WAC: variants seen among roughly 807,000 people sequenced by gnomAD.
The protein encoded by WAC is WW domain containing adaptor with coiled-coil, also known as WW domain-containing adapter protein with coiled-coil.
In WAC, 11 loss-of-function variants were observed where a neutral mutation model predicts 79.6. The observed-to-expected ratio is 0.14, with a 90% CI of 0.09 to 0.23. The LOEUF is 0.23. WAC is among the 10% of genes least tolerant of loss of function. The pLI, the probability that WAC is intolerant of heterozygous loss-of-function variation, is 1.00. For missense variants in WAC, 728 were observed against 773.5 expected (o/e 0.94, Z 0.70); for synonymous variants, 304 against 276.9 (o/e 1.10, Z -0.97).
rs1051835582 is a variant in WAC, at chr10:28,608,236, A to T, written c.970A>T (p.Thr324Ser). The change falls in exon 8 of 14, where the codon ACG (threonine) becomes TCG (serine). Residue 324 changes from threonine to serine, a missense_variant. Around this residue, in one of 3 missense-constraint regions of WAC, gnomAD observed 648 missense variants for 661.5 expected, o/e 0.98. Transcript: ENST00000354911. ...ATCACATTCTTGCACAACTCCTTCCACGTCTTCTGCCTCTGGACTGAACCC... is the reference window on the plus strand; with the variant it reads ...ATCACATTCTTGCACAACTCCTTCCTCGTCTTCTGCCTCTGGACTGAACCC... ...PVSHSCTTPS[T>S]SSASGLNPTS... The T allele has an allele frequency of 2.4e-5, 39 of 1,613,956 alleles. No individual in the cohort carries two copies. Among genetic ancestry groups the T allele is most frequent in the Non-Finnish European group, 3.1e-5 (37 of 1,180,012 alleles).
intron 6 of WAC, among the ~76,000 whole-genome samples, chr10:28,594,511 G>A (rs1259980153): frequency 6.6e-6 from 1 of 152,026 alleles, no homozygotes; most frequent in Non-Finnish European, 1.5e-5. Context: ...TTTATAACAC[G>A]GAATTTTATG....
At chr10:28,601,374 A>G (rs1840639739) in intron 7 of WAC, among the ~76,000 whole-genome samples, 1 of 152,086 alleles carries the variant, frequency 6.6e-6, no homozygotes, top group Admixed American at 6.6e-5. Flanking sequence ...ACCACTTAAT[A>G]CCCATTAGGA....
chr10:28,610,840 G>A lies in WAC; in HGVS notation c.1288+19G>A, dbSNP rs569623449. The A allele has an allele frequency of 1.4e-5, 22 of 1,579,040 alleles. No individual in the cohort carries two copies. The Admixed American group carries it at 3.4e-4, about 24-fold the overall frequency. On this transcript the variant is annotated intron_variant, in intron 9 of 13. Transcript: ENST00000354911. The stretch of plus-strand genomic sequence containing the variant: ...ACACAAGGTATTCTTACTCATCTTA[G>A]ATATCTCTAGAATGGCATCTTGATT...
At chr10:28,562,129 T>G (rs375559139) in intron 3 of WAC, among the ~76,000 whole-genome samples, 31 of 152,230 alleles carry the variant, frequency 2.0e-4, no homozygotes, top group African/African-American at 7.2e-4. Flanking sequence ...GCCATCTTGG[T>G]TCACTGCAAC....
chr10:28,567,902 G>T (rs1437935557), intron 3 of WAC, among the ~76,000 whole-genome samples: 1 of 152,028 alleles, frequency 6.6e-6, no homozygotes, highest in African/African-American at 2.4e-5. Context: ...CTAAAGGCAG[G>T]TACCACCACA....
At position 28,533,160 on chromosome 10, in the gene WAC, AGCGGCGGCG is replaced by A. The variant is rs961721042; in HGVS notation, c.-409_-401del. On this transcript the variant is annotated 5_prime_UTR_variant, in exon 1 of 14. Coordinates refer to ENST00000354911, the MANE Select transcript of WAC (RefSeq NM_016628.5). ...TTGGTGGAGCGGCAGCGGCGGCACC[AGCGGCGGCG>A]GCGGCGGCGGGAGGAGGAGGAGGAG... 8.0e-5 allele frequency among the ~76,000 whole-genome samples: 12 copies of A among 149,432 alleles called. No homozygotes were observed. Among genetic ancestry groups the A allele is most frequent in the African/African-American group, 2.0e-4 (8 of 40,994 alleles).
rs969297383 is a variant in WAC at position 28,569,395 on chromosome 10, A to G, written c.275-14004A>G. ...TTGGAAATCTGTTTGAATGTTATCA[A>G]CTGCTCTCTTTTGATAGCATATTTT... On this transcript the variant is annotated intron_variant, in intron 3 of 13. Transcript: ENST00000354911. Among the ~76,000 whole-genome samples, 3 of 152,242 alleles carry G rather than the reference A, an allele frequency of 2.0e-5. No homozygotes were observed. In the East Asian group the frequency reaches 5.8e-4, roughly 29 times the overall value.
In WAC at chr10:28,535,706, C is replaced by A; in HGVS notation, c.223C>A (p.His75Asn). 6.2e-7 allele frequency: 1 copy of A among 1,613,902 alleles called. No homozygotes were observed. Among genetic ancestry groups the A allele is most frequent in the East Asian group, 2.2e-5 (1 of 44,858 alleles). Residue 75 changes from histidine to asparagine, a missense_variant, in exon 3 of 14, where the codon CAC (histidine) becomes AAC (asparagine). Physicochemically the swap from His to Asn is moderately conservative, Grantham distance 68. Coordinates refer to ENST00000354911, the MANE Select transcript of WAC (RefSeq NM_016628.5). ...AAACAAATACAGTGACAGCACAGGT[C>A]ACAGTAAGGCCAAAAATGTGCATAC... ...PENKYSDSTG[H>N]SKAKNVHTHR...
intron 3 of WAC, among the ~76,000 whole-genome samples, chr10:28,576,526 A>G (rs1033003237): frequency 2.6e-4 from 40 of 152,350 alleles, no homozygotes; most frequent in African/African-American, 9.4e-4. Flanking sequence ...CCAAAAAATG[A>G]CCTTATTATA....
chr10:28,578,682 T>A (rs1839373779), intron 3 of WAC, among the ~76,000 whole-genome samples: 1 of 152,148 alleles, frequency 6.6e-6, no homozygotes, highest in Non-Finnish European at 1.5e-5. Flanking sequence ...TGAATTTTTT[T>A]TGGACCATTT....
intron 7 of WAC, among the ~76,000 whole-genome samples, chr10:28,596,352 A>G (rs1052253473): frequency 5.3e-5 from 8 of 152,120 alleles, no homozygotes; most frequent in Admixed American, 2.0e-4. Context: ...TTTTGTGATC[A>G]TTGTCTTGAC....
chr10:28,574,455 G>A (rs1227610086), intron 3 of WAC, among the ~76,000 whole-genome samples: 1 of 151,810 alleles, frequency 6.6e-6, no homozygotes, highest in Admixed American at 6.6e-5. Context: ...GCCTGTTGCT[G>A]TTTTTGAGAC....
intron 7 of WAC, among the ~76,000 whole-genome samples, chr10:28,596,321 A>C (rs1186329211): frequency 6.6e-6 from 1 of 152,218 alleles, no homozygotes; most frequent in East Asian, 1.9e-4. Flanking sequence ...AAGTCAAGTA[A>C]CTGTCTCTTC....
rs61848480 is a variant in WAC at position 28,558,006 on chromosome 10, G to A, written c.274+22249G>A. 2.4e-3 allele frequency among the ~76,000 whole-genome samples: 364 copies of A among 152,116 alleles called. 1 individual carries two copies. The highest frequency in any genetic ancestry group is 0.014 in the Middle Eastern group (4 of 292). ...AGAGAATTGCTTGAACCCAGGAGGC[G>A]GAAGTTGCAGTGAGCCTAGATTGTG... On this transcript the variant is annotated intron_variant, in intron 3 of 13. Coordinates refer to ENST00000354911, the MANE Select transcript of WAC (RefSeq NM_016628.5).
At chr10:28,580,907 A>T (rs1297279225) in intron 3 of WAC, among the ~76,000 whole-genome samples, 1 of 152,180 alleles carries the variant, frequency 6.6e-6, no homozygotes, top group African/African-American at 2.4e-5. Flanking sequence ...CATTATCATG[A>T]CTGTGACTTA....
At chr10:28,545,853 C>T (rs1837322709) in intron 3 of WAC, among the ~76,000 whole-genome samples, 1 of 152,184 alleles carries the variant, frequency 6.6e-6, no homozygotes, top group Admixed American at 6.5e-5. Flanking sequence ...TTAGATAATA[C>T]CTACTTAGGT....
chr10:28,557,419 G>A (rs1383108989), intron 3 of WAC, among the ~76,000 whole-genome samples: 1 of 152,154 alleles, frequency 6.6e-6, no homozygotes, highest in East Asian at 1.9e-4. Context: ...TTGTAGGCTG[G>A]GTGTGGTGGA....
At chr10:28,581,961 G>A (rs1839562178) in intron 3 of WAC, among the ~76,000 whole-genome samples, 1 of 152,182 alleles carries the variant, frequency 6.6e-6, no homozygotes, top group South Asian at 2.1e-4. Context: ...ATACTGTACA[G>A]CAAGATGAAA....
chr10:28,585,506 G>T (rs900345764), intron 4 of WAC, among the ~76,000 whole-genome samples: 1 of 151,754 alleles, frequency 6.6e-6, no homozygotes, highest in African/African-American at 2.4e-5. Context: ...GCGTGCTATC[G>T]TCAAACTATT....
Sources: gnomAD v4.1 joint callset for allele counts (sites outside exome capture counted in the v4.1 genomes callset) on GRCh38, gnomAD v4.1.1 for gene constraint, gnomAD v4.1.1 regional missense constraint, MANE v1.5 for transcripts, NCBI Gene and HGNC (gene_info 2026-07-23, HGNC 2026-07-21) for gene names.